GRM8: variants seen among roughly 807,000 people sequenced by gnomAD.
GRM8 encodes glutamate metabotropic receptor 8.
GRM8 carries 47 observed loss-of-function variants against 87.2 expected under a neutral mutation model. That is an observed-to-expected ratio of 0.54 (90% confidence interval 0.43 to 0.69). The LOEUF is 0.69. GRM8 is among the 30% of genes least tolerant of loss of function. The pLI is 0.00. For synonymous variants in GRM8, 396 were observed against 404.5 expected (o/e 0.98, Z 0.25); for missense variants, 1,019 against 1,139.2 (o/e 0.89, Z 1.52).
At chr7:126,915,803 T>C (rs527395461) in intron 3 of GRM8, among the ~76,000 whole-genome samples, 7 of 152,250 alleles carry the variant, frequency 4.6e-5, no homozygotes, top group African/African-American at 1.7e-4. Context: ...CAGAGGTATC[T>C]ATGGAACTGG....
intron 7 of GRM8, among the ~76,000 whole-genome samples, chr7:126,625,090 A>G (rs1352495752): frequency 6.6e-6 from 1 of 152,250 alleles, no homozygotes; most frequent in African/African-American, 2.4e-5. Flanking sequence ...TTATTAAATG[A>G]ATAAGTGAAA....
intron 7 of GRM8, among the ~76,000 whole-genome samples, chr7:126,717,376 T>C (rs1237694716): frequency 1.3e-5 from 2 of 152,092 alleles, no homozygotes; most frequent in Non-Finnish European, 2.9e-5. Context: ...AGCATGCATG[T>C]GAGCCATCCA....
chr7:126,521,533 T>G (rs550625508), intron 9 of GRM8, among the ~76,000 whole-genome samples: 144 of 152,250 alleles, frequency 9.5e-4, no homozygotes, highest in Non-Finnish European at 1.6e-3. Flanking sequence ...CGGATTACCT[T>G]ATGGACTCAA....
chr7:126,804,928 A>G (rs1431224659), intron 6 of GRM8, among the ~76,000 whole-genome samples: 1 of 152,126 alleles, frequency 6.6e-6, no homozygotes, highest in African/African-American at 2.4e-5. Context: ...CTCCCCTCCA[A>G]ATAAATAAAT....
intron 3 of GRM8, among the ~76,000 whole-genome samples, chr7:127,049,641 C>G (rs2132476681): frequency 6.6e-6 from 1 of 152,048 alleles, no homozygotes; most frequent in Non-Finnish European, 1.5e-5. Context: ...GTAGGGAAAC[C>G]AAACAATAAA....
At chr7:126,584,803 T>C (rs1376675754) in intron 8 of GRM8, among the ~76,000 whole-genome samples, 1 of 152,168 alleles carries the variant, frequency 6.6e-6, no homozygotes, top group Non-Finnish European at 1.5e-5. Context: ...CAGAGCCCTA[T>C]TTTTAAAAGC....
At chr7:126,758,687 A>G (rs1817274951) in intron 7 of GRM8, among the ~76,000 whole-genome samples, 1 of 152,182 alleles carries the variant, frequency 6.6e-6, no homozygotes, top group Non-Finnish European at 1.5e-5. Flanking sequence ...TACCATAAAT[A>G]CATACTTACA....
At position 126,852,378 on chromosome 7, in the gene GRM8, TACAA is replaced by T. The variant is rs573608914; in HGVS notation, c.1156+50160_1156+50163del. On this transcript the variant is annotated intron_variant, in intron 6 of 10. Transcript: ENST00000339582. ...CTAGGGAGTTGGAGGAATGTATCATTACAAACAAACAAACACAAAAATCGAAGAC... is the reference window on the plus strand; with the variant it reads ...CTAGGGAGTTGGAGGAATGTATCATTACAAACAAACACAAAAATCGAAGAC... 4.4e-4 allele frequency among the ~76,000 whole-genome samples: 67 copies of T among 152,306 alleles called. No individual in the cohort carries two copies. In the Middle Eastern group the frequency reaches 0.01, roughly 23 times the overall value.
At chr7:126,709,401 A>G (rs1384526005) in intron 7 of GRM8, among the ~76,000 whole-genome samples, 1 of 152,078 alleles carries the variant, frequency 6.6e-6, no homozygotes, top group Non-Finnish European at 1.5e-5. Context: ...CTGTTTAAGA[A>G]AAAAGAAAAA....
rs1202337329 is a variant in GRM8 at position 126,685,851 on chromosome 7, C to T, written c.1358-76353G>A. On this transcript the variant is annotated intron_variant, in intron 7 of 10. Coordinates refer to ENST00000339582, the MANE Select transcript of GRM8 (RefSeq NM_000845.3). This position sits in a 1 kb window ranked among gnomAD's most constrained non-coding sequence, Gnocchi z 4.2. Reference sequence around the variant, plus strand: ...TCCTCAGTGATGCCCTACCTTCAAGCTGAGGAGGGCCTGAACCCTGGGGGC... The same window carrying T: ...TCCTCAGTGATGCCCTACCTTCAAGTTGAGGAGGGCCTGAACCCTGGGGGC... Among the ~76,000 whole-genome samples, 1 of 151,996 alleles carries T rather than the reference C, an allele frequency of 6.6e-6. No homozygotes were observed. Among genetic ancestry groups the T allele is most frequent in the East Asian group, 1.9e-4 (1 of 5,154 alleles).
chr7:126,996,358 TA>T (rs144300165), intron 3 of GRM8, among the ~76,000 whole-genome samples: 12,432 of 152,040 alleles, frequency 0.082, 940 homozygotes, highest in African/African-American at 0.2. Context: ...GTCAAAAGAC[TA>T]AATGATGAAC....
chr7:126,836,172 ATTTCTTGGCCAAAATTAAGT>A (rs1795815349), intron 6 of GRM8, among the ~76,000 whole-genome samples: 1 of 152,228 alleles, frequency 6.6e-6, no homozygotes, highest in Admixed American at 6.5e-5. Context: ...CCTTATATTA[ATTTCTTGGCCAAAATTAAGT>A]CCTCTCGAAG....
chr7:127,138,774 A>G (rs1435433915), intron 2 of GRM8, among the ~76,000 whole-genome samples: 1 of 152,174 alleles, frequency 6.6e-6, no homozygotes, highest in African/African-American at 2.4e-5. Context: ...AGCACTGAAG[A>G]GTACCCAAAA....
At chr7:127,151,975 T>A (rs1828883145) in intron 2 of GRM8, among the ~76,000 whole-genome samples, 5 of 151,782 alleles carry the variant, frequency 3.3e-5, no homozygotes, top group Admixed American at 3.3e-4. Context: ...CCCTTTAAAG[T>A]TACTTACGAT....
chr7:126,473,879 C>T (rs115200214), intron 9 of GRM8, among the ~76,000 whole-genome samples: 132 of 152,206 alleles, frequency 8.7e-4, no homozygotes, highest in African/African-American at 3.1e-3. Context: ...CACTCTCTTG[C>T]CTGTCACAAG....
intron 3 of GRM8, among the ~76,000 whole-genome samples, chr7:127,096,839 T>C (rs7808643): frequency 0.72 from 109,707 of 152,040 alleles, 41,168 homozygotes; most frequent in African/African-American, 0.9. Context: ...TGGTATTTGC[T>C]AGCAATAAAA....
At chr7:126,939,646 G>T (rs1806700653) in intron 3 of GRM8, among the ~76,000 whole-genome samples, 1 of 152,154 alleles carries the variant, frequency 6.6e-6, no homozygotes, top group Non-Finnish European at 1.5e-5. Context: ...TGGTTGTAGG[G>T]TAAATGCTTT....
intron 3 of GRM8, among the ~76,000 whole-genome samples, chr7:127,014,158 G>A (rs949698085): frequency 5.9e-5 from 9 of 152,294 alleles, no homozygotes; most frequent in Admixed American, 2.0e-4. Context: ...CAGAATGCCT[G>A]GGGATACTGA....
At chr7:126,854,053 C>T (rs752876976) in intron 6 of GRM8, among the ~76,000 whole-genome samples, 17 of 152,190 alleles carry the variant, frequency 1.1e-4, no homozygotes, top group Admixed American at 7.9e-4. Context: ...GGTGTGGATG[C>T]TTCCCAGAAA....
Sources: gnomAD v4.1 joint callset for allele counts (sites outside exome capture counted in the v4.1 genomes callset) on GRCh38, gnomAD v4.1.1 for gene constraint, Gnocchi (gnomAD v3.1) non-coding constraint, MANE v1.5 for transcripts, NCBI Gene and HGNC (gene_info 2026-07-23, HGNC 2026-07-21) for gene names.